The following RAB10 variants were observed in gnomAD, a reference collection of about 807,000 sequenced individuals.
RAB10 encodes ras-related protein Rab-10.
Under a neutral mutation model 25.7 loss-of-function variants are expected in RAB10, and 5 were observed. The ratio of observed to expected loss-of-function variants is 0.19; its 90% confidence interval spans 0.10 to 0.41. RAB10 has a LOEUF of 0.41. Among genes scored for constraint, RAB10 ranks in the 10% least tolerant of loss-of-function variants. The pLI is 1.00. For synonymous variants in RAB10, 89 were observed against 86.4 expected (o/e 1.03, Z -0.16); for missense variants, 103 against 245.8 (o/e 0.42, Z 3.89).
At chr2:26,057,384 C>T (rs533527210) in intron 1 of RAB10, among the ~76,000 whole-genome samples, 3 of 150,108 alleles carry the variant, frequency 2.0e-5, no homozygotes, top group Non-Finnish European at 3.0e-5. Context: ...TGCACAGTTG[C>T]GCCTATGAAT....
chr2:26,121,802 C>T (rs1272630252), intron 3 of RAB10, among the ~76,000 whole-genome samples: 2 of 152,212 alleles, frequency 1.3e-5, no homozygotes, highest in Non-Finnish European at 1.5e-5. Context: ...ATAAAAATAA[C>T]TAATACATAC....
chr2:26,103,633 A>G (rs1406962542), intron 2 of RAB10, among the ~76,000 whole-genome samples: 1 of 152,144 alleles, frequency 6.6e-6, no homozygotes, highest in Non-Finnish European at 1.5e-5. Flanking sequence ...TACCCATTTA[A>G]AACAATTTAA....
chr2:26,037,593 C>T (rs960853624), intron 1 of RAB10, among the ~76,000 whole-genome samples: 2 of 151,474 alleles, frequency 1.3e-5, no homozygotes, highest in African/African-American at 4.9e-5. Context: ...GAGCCGAGAT[C>T]GTGCCATTGC....
intron 1 of RAB10, among the ~76,000 whole-genome samples, chr2:26,086,181 G>A (rs1218998264): frequency 6.6e-6 from 1 of 151,794 alleles, no homozygotes; most frequent in East Asian, 1.9e-4. Context: ...AACTGAGTCT[G>A]GTGGCAGTCC....
intron 1 of RAB10, among the ~76,000 whole-genome samples, chr2:26,035,365 A>G (rs915834971): frequency 6.6e-6 from 1 of 152,200 alleles, no homozygotes; most frequent in Non-Finnish European, 1.5e-5. Flanking sequence ...GGAGATGATC[A>G]GTTTCTGTCC....
At chr2:26,118,207 A>G (rs962651815) in intron 3 of RAB10, among the ~76,000 whole-genome samples, 1 of 152,124 alleles carries the variant, frequency 6.6e-6, no homozygotes, top group African/African-American at 2.4e-5. Context: ...TCCTGACCTC[A>G]TGGTCCGTCG....
intron 1 of RAB10, among the ~76,000 whole-genome samples, chr2:26,060,433 C>T (rs1203283006): frequency 1.3e-5 from 2 of 152,122 alleles, no homozygotes; most frequent in African/African-American, 4.8e-5. Flanking sequence ...GCTGGGACTA[C>T]AGGCGCTCAC....
In RAB10 at chr2:26,100,863, AAGTAGAC is replaced by A. The variant is rs559729697; in HGVS notation, c.188+2144_188+2150del. On this transcript the variant is annotated intron_variant, in intron 2 of 5. Coordinates refer to ENST00000264710, the MANE Select transcript of RAB10 (RefSeq NM_016131.5). ...AAGGATTTTTTTTTTTTTTTCCCAA[AAGTAGAC>A]AGCCTGACACCTGCCCTGTCAGAGC... is the stretch of plus-strand genomic sequence containing the variant. Among the ~76,000 whole-genome samples the A allele has an allele frequency of 4.9e-3, 748 of 151,728 alleles. 6 individuals are homozygous for A. The highest frequency in any genetic ancestry group is 0.017 in the African/African-American group (701 of 41,378).
At chr2:26,091,853 A>T (rs750566834) in intron 1 of RAB10, among the ~76,000 whole-genome samples, 75 of 152,302 alleles carry the variant, frequency 4.9e-4, no homozygotes, top group Non-Finnish European at 9.4e-4. Context: ...AAAAGAGTGA[A>T]GAATTCCTTC....
At chr2:26,070,992 A>T (rs1666613018) in intron 1 of RAB10, among the ~76,000 whole-genome samples, 1 of 152,212 alleles carries the variant, frequency 6.6e-6, no homozygotes, top group South Asian at 2.1e-4. Context: ...TGCTGACCTT[A>T]GCATGAATCA....
intron 1 of RAB10, among the ~76,000 whole-genome samples, chr2:26,071,438 A>G (rs541704748): frequency 1.1e-3 from 172 of 152,330 alleles, no homozygotes; most frequent in Non-Finnish European, 1.9e-3. Context: ...CTGTAATCCC[A>G]ACACTTTGGG....
intron 1 of RAB10, among the ~76,000 whole-genome samples, chr2:26,056,945 A>G (rs552641970): frequency 3.1e-4 from 47 of 152,300 alleles, no homozygotes; most frequent in Middle Eastern, 6.8e-3. Context: ...GGTGCCTACT[A>G]TGAAGGACTC....
intron 1 of RAB10, among the ~76,000 whole-genome samples, chr2:26,044,262 A>T (rs1665948734): frequency 6.6e-6 from 1 of 152,260 alleles, no homozygotes. Flanking sequence ...TTGATCACAG[A>T]CGGCCCCTCC....
At chr2:26,095,480 G>A (rs930460458) in intron 1 of RAB10, among the ~76,000 whole-genome samples, 1 of 152,190 alleles carries the variant, frequency 6.6e-6, no homozygotes, top group East Asian at 1.9e-4. Context: ...GGTGGCGGAT[G>A]CCTGTAGCCC....
intron 1 of RAB10, among the ~76,000 whole-genome samples, chr2:26,038,477 T>C (rs1389813768): frequency 6.6e-6 from 1 of 152,082 alleles, no homozygotes; most frequent in African/African-American, 2.4e-5. Context: ...ATTACAGGCA[T>C]GAGCCACTGC....
chr2:26,072,247 C>T (rs1666642591), intron 1 of RAB10, among the ~76,000 whole-genome samples: 1 of 152,068 alleles, frequency 6.6e-6, no homozygotes, highest in Admixed American at 6.6e-5. Context: ...TGAAACTGGT[C>T]TCTACTAAAA....
intron 2 of RAB10, among the ~76,000 whole-genome samples, chr2:26,104,839 G>A (rs1317367410): frequency 1.3e-5 from 2 of 151,086 alleles, no homozygotes; most frequent in African/African-American, 4.9e-5. Context: ...CTGGGTTCAT[G>A]CCATTCTCCT....
intron 3 of RAB10, among the ~76,000 whole-genome samples, chr2:26,115,766 A>T (rs1292249956): frequency 2.0e-5 from 3 of 152,194 alleles, no homozygotes; most frequent in Non-Finnish European, 4.4e-5. Context: ...TTATTTTTTT[A>T]AAAACTGAAT....
Position 26,135,145 on chromosome 2 carries a change from C to T in RAB10, c.*124C>T. On this transcript the variant is annotated 3_prime_UTR_variant, in exon 6 of 6. Coordinates refer to ENST00000264710, the MANE Select transcript of RAB10 (RefSeq NM_016131.5). ...TTGTTTCTCATCTTAACTATCCAAG[C>T]CACCTATTTTATTTGTTCTTTCATC... The T allele has an allele frequency of 1.6e-6, 1 of 644,400 alleles. No individual in the cohort carries two copies. The highest frequency in any genetic ancestry group is 2.4e-6 in the Non-Finnish European group (1 of 411,938). 39.9% of individuals were successfully genotyped at this position (644,400 alleles called of 1,614,324 possible). A position where few individuals can be genotyped will look rare whatever the true frequency, so the allele number is the denominator to read the frequency against.
Sources: gnomAD v4.1 joint callset for allele counts (sites outside exome capture counted in the v4.1 genomes callset) on GRCh38, gnomAD v4.1.1 for gene constraint, MANE v1.5 for transcripts, NCBI Gene and HGNC (gene_info 2026-07-23, HGNC 2026-07-21) for gene names.